Variants in CCDC88A observed in about 807,000 individuals in gnomAD.
The protein encoded by CCDC88A is girdin.
A neutral mutation model predicts 234.3 loss-of-function variants in CCDC88A; 54 were observed. The ratio of observed to expected loss-of-function variants is 0.23; its 90% CI spans 0.19 to 0.29. CCDC88A has a LOEUF of 0.29. Ranked by LOEUF, CCDC88A falls within the 10% of genes least tolerant of loss-of-function variation. The probability of loss-of-function intolerance (pLI) is 1.00; values close to 1 mark genes in which losing one functional copy is unlikely to be tolerated. For missense variants in CCDC88A, 1,832 were observed against 2,123.4 expected, an observed-to-expected ratio of 0.86 and a Z score of 2.70; for synonymous variants, 753 against 737.8, an observed-to-expected ratio of 1.02 and a Z score of -0.33.
chr2:55,333,165 G>C (rs980705862), intron 15 of CCDC88A, among the ~76,000 whole-genome samples: 1 of 152,150 alleles, frequency 6.6e-6, no homozygotes, highest in African/African-American at 2.4e-5. Flanking sequence ...ATGTTTATAA[G>C]TCTACAGAAG....
rs544048354 is a variant in CCDC88A at position 55,383,325 on chromosome 2, A to G, written c.273+5453T>C. Among the ~76,000 whole-genome samples the G allele has an allele frequency of 2.6e-5, 4 of 152,162 alleles. 1 individual carries two copies. The South Asian group carries it at 8.3e-4, about 32-fold the overall frequency. The stretch of plus-strand genomic sequence containing the variant: ...CCCTTTGTGAGTCAGAATAATCAAA[A>G]TGTACTAAAATGGCCCGGCACGGTG... On this transcript the variant is annotated intron_variant, in intron 3 of 32. Coordinates refer to ENST00000436346, the MANE Select transcript of CCDC88A (RefSeq NM_001365480.1).
intron 15 of CCDC88A, among the ~76,000 whole-genome samples, chr2:55,333,450 T>C (rs1198820129): frequency 6.6e-6 from 1 of 152,178 alleles, no homozygotes; most frequent in Non-Finnish European, 1.5e-5. Context: ...TGTTGAATGG[T>C]TGAACCTGAT....
Position 55,362,463 on chromosome 2 carries a change from C to G in CCDC88A, c.487-15G>C. 6.3e-7 allele frequency: 1 copy of G among 1,590,110 alleles called. No homozygotes were observed. ...TTATGAGTTACCTTTAGAAAAGTGA[C>G]CAAAATAAACAACCAAAAAAGTGGC... On this transcript the variant is annotated splice_polypyrimidine_tract_variant and intron_variant, in intron 6 of 32. Coordinates refer to ENST00000436346, the MANE Select transcript of CCDC88A (RefSeq NM_001365480.1).
At chr2:55,395,514 C>T (rs1342877297) in intron 2 of CCDC88A, among the ~76,000 whole-genome samples, 1 of 152,184 alleles carries the variant, frequency 6.6e-6, no homozygotes. Flanking sequence ...CAAGAGGGAC[C>T]ATATCTTCTT....
At chr2:55,416,484 A>ATATATATG (rs1558860400) in intron 2 of CCDC88A, among the ~76,000 whole-genome samples, 3 of 80,114 alleles carry the variant, frequency 3.7e-5, no homozygotes, top group Non-Finnish European at 8.2e-5. Context: ...ATATATATAT[A>ATATATATG]TATGTATATA....
Position 55,419,131 on chromosome 2 carries a change from G to C in CCDC88A, c.-52C>G. The C allele has an allele frequency of 9.3e-7, 1 of 1,080,180 alleles. No homozygotes were observed. Among genetic ancestry groups the C allele is most frequent in the East Asian group, 2.4e-5 (1 of 42,310 alleles). The allele number at this position is 1,080,180 out of a possible 1,614,324, so 66.9% of individuals were successfully genotyped here. On this transcript the variant is annotated 5_prime_UTR_variant, in exon 1 of 33. Coordinates refer to ENST00000436346, the MANE Select transcript of CCDC88A (RefSeq NM_001365480.1). The stretch of plus-strand genomic sequence containing the variant: ...GAACTACCACAAAAATACGCCTAGG[G>C]AATTGGTCACTAAACGTGGAAGTAA...
At chr2:55,307,863 C>G (rs74855307) in intron 25 of CCDC88A, 1 of 151,758 alleles carries the variant, frequency 6.6e-6, no homozygotes, top group African/African-American at 2.4e-5. Flanking sequence ...TCTTGACCCA[C>G]TGAAAACCTT....
chr2:55,388,865 C>G lies in CCDC88A; in HGVS notation c.186G>C (p.Gln62His), dbSNP rs774349702. The G allele has an allele frequency of 6.9e-7, 1 of 1,440,664 alleles. No individual in the cohort carries two copies. Among genetic ancestry groups the G allele is most frequent in the South Asian group, 1.3e-5 (1 of 78,950 alleles). The allele number at this position is 1,440,664 out of a possible 1,614,324, so 89.2% of individuals were successfully genotyped here. A position where few individuals can be genotyped will look rare whatever the true frequency, so the allele number is the denominator to read the frequency against. ...MLQINPKLES[Q>H]RVNKKVNNDA... ...CATTATTGACTTTTTTATTTACTCTCTGACTCTCCAATTTAGGATTACTGT... is the reference window on the plus strand; with the variant it reads ...CATTATTGACTTTTTTATTTACTCTGTGACTCTCCAATTTAGGATTACTGT... Residue 62 changes from glutamine (Q) to histidine (H), a missense_variant, in exon 3 of 33, where the codon CAG becomes CAC. Gln to His is a conservative substitution (Grantham distance 24). This residue lies in a region of CCDC88A where 84 missense variants were observed against 80.9 expected (regional missense o/e 1.04). Transcript: ENST00000436346.
chr2:55,398,000 GA>G (rs1023907415), intron 2 of CCDC88A, among the ~76,000 whole-genome samples: 1 of 152,010 alleles, frequency 6.6e-6, no homozygotes, highest in Non-Finnish European at 1.5e-5. Flanking sequence ...TGTAATTTTA[GA>G]AATCTGAAGA....
chr2:55,320,964 G>A (rs1241975479), intron 18 of CCDC88A: 2 of 152,044 alleles, frequency 1.3e-5, no homozygotes, highest in Admixed American at 6.6e-5. Context: ...ACAAAAATTC[G>A]CTGGGTGTGG....
intron 18 of CCDC88A, 40 bp downstream of exon 18, chr2:55,322,488 C>A: frequency 8.1e-7 from 1 of 1,229,422 alleles, no homozygotes; most frequent in Non-Finnish European, 1.1e-6. Context: ...TCCTCTATTT[C>A]TAAAAAAAAC....
chr2:55,309,090 G>A lies in CCDC88A; in HGVS notation c.4173-67C>T. 6.8e-7 allele frequency: 1 copy of A among 1,459,946 alleles called. No homozygotes were observed. The highest frequency in any genetic ancestry group is 9.6e-7 in the Non-Finnish European group (1 of 1,046,406). 90.4% of individuals were successfully genotyped at this position (1,459,946 alleles called of 1,614,324 possible). ...ATACAAATCCTTCACAAAAGTAGAAGTCATCACAATATTAGAAATAACCTA... is the reference window on the plus strand; with the variant it reads ...ATACAAATCCTTCACAAAAGTAGAAATCATCACAATATTAGAAATAACCTA... On this transcript the variant is annotated intron_variant, in intron 24 of 32. Transcript: ENST00000436346. This position sits in a 1 kb window ranked among gnomAD's most constrained non-coding sequence, Gnocchi z 5.1.
At chr2:55,293,363 A>G (rs10184362) in intron 31 of CCDC88A, among the ~76,000 whole-genome samples, 10,680 of 152,204 alleles carry the variant, frequency 0.07, 1,191 homozygotes, top group African/African-American at 0.23. Flanking sequence ...TTAGCACCAA[A>G]TATATTTGAA....
intron 12 of CCDC88A, among the ~76,000 whole-genome samples, chr2:55,342,460 T>C (rs1347848433): frequency 1.3e-5 from 2 of 152,154 alleles, no homozygotes; most frequent in African/African-American, 2.4e-5. Context: ...TCCTCAGAAG[T>C]CTAGATGATA....
chr2:55,376,165 T>C (rs1673631864), intron 3 of CCDC88A, among the ~76,000 whole-genome samples: 1 of 152,200 alleles, frequency 6.6e-6, no homozygotes, highest in Admixed American at 6.5e-5. Flanking sequence ...TATCTGCCAT[T>C]ACAACCACTG....
At chr2:55,352,464 A>T (rs1670016329) in intron 8 of CCDC88A, among the ~76,000 whole-genome samples, 1 of 151,982 alleles carries the variant, frequency 6.6e-6, no homozygotes, top group African/African-American at 2.4e-5. Context: ...AAAAACAAGA[A>T]ATTGGTGTGT....
At chr2:55,324,204 A>T (rs1478336354) in intron 17 of CCDC88A, 2 of 152,262 alleles carry the variant, frequency 1.3e-5, no homozygotes, top group Admixed American at 1.3e-4. Flanking sequence ...TTATGAATTC[A>T]AATTTTCAAG....
chr2:55,291,909 A>T, intron 31 of CCDC88A, 134 bp from the exon 32 acceptor site: 1 of 556,922 alleles, frequency 1.8e-6, no homozygotes, highest in Non-Finnish European at 3.2e-6. Flanking sequence ...TATTAATCTC[A>T]TAGGCATCTC....
intron 2 of CCDC88A, among the ~76,000 whole-genome samples, chr2:55,406,789 C>T (rs1574497422): frequency 6.6e-6 from 1 of 151,954 alleles, no homozygotes; most frequent in South Asian, 2.1e-4. Flanking sequence ...AGACTAGTAT[C>T]CAACATCTAA....
Sources: allele counts gnomAD v4.1 joint callset (sites outside exome capture counted in the v4.1 genomes callset), GRCh38; gene constraint gnomAD v4.1.1; regional missense constraint gnomAD v4.1.1; non-coding constraint Gnocchi (gnomAD v3.1); transcripts MANE v1.5; gene names NCBI Gene and HGNC (gene_info 2026-07-23, HGNC 2026-07-21).